The following CNTN6 variants were observed in gnomAD, a reference collection of about 807,000 sequenced individuals.
The protein encoded by CNTN6 is contactin-6.
Under a neutral mutation model 122.8 loss-of-function variants are expected in CNTN6, and 137 were observed. That is an observed-to-expected ratio of 1.12 (90% CI 0.97 to 1.29). The LOEUF is 1.29. Among genes scored for constraint, CNTN6 ranks in the 50% most tolerant of loss-of-function variants. The pLI is 0.00. For synonymous variants in CNTN6, 570 were observed against 426.0 expected (o/e 1.34, Z -4.16); for missense variants, 1,634 against 1,223.4 (o/e 1.34, Z -5.01).
chr3:1,216,349 T>G (rs1486207491), intron 2 of CNTN6, among the ~76,000 whole-genome samples: 1 of 152,198 alleles, frequency 6.6e-6, no homozygotes, highest in African/African-American at 2.4e-5. Context: ...AATCAAGAAC[T>G]CCTTCCCTTC....
At chr3:1,302,570 T>G (rs1293019442) in intron 7 of CNTN6, among the ~76,000 whole-genome samples, 1 of 152,070 alleles carries the variant, frequency 6.6e-6, no homozygotes, top group African/African-American at 2.4e-5. Flanking sequence ...CCAGCTCCAG[T>G]GCCAGATCTT....
chr3:1,320,304 C>G (rs1052939167), intron 7 of CNTN6, among the ~76,000 whole-genome samples: 26 of 151,636 alleles, frequency 1.7e-4, no homozygotes, highest in African/African-American at 6.3e-4. Flanking sequence ...TGTTTGAGTG[C>G]ATATGATTTT....
At chr3:1,357,388 G>C (rs894282659) in intron 12 of CNTN6, among the ~76,000 whole-genome samples, 1 of 151,530 alleles carries the variant, frequency 6.6e-6, no homozygotes. Flanking sequence ...TATTCATCTT[G>C]TTTTCTTTAT....
chr3:1,318,329 G>C (rs966368381), intron 7 of CNTN6, among the ~76,000 whole-genome samples: 3 of 143,512 alleles, frequency 2.1e-5, no homozygotes, highest in African/African-American at 5.2e-5. Context: ...TTTTTTTTTT[G>C]TCTTATATGC....
chr3:1,218,700 A>AC (rs951172751), intron 2 of CNTN6, among the ~76,000 whole-genome samples: 1 of 152,178 alleles, frequency 6.6e-6, no homozygotes. Flanking sequence ...ACTGTAAATC[A>AC]CCATAAATGA....
intron 12 of CNTN6, among the ~76,000 whole-genome samples, chr3:1,363,633 C>T (rs551287684): frequency 6.6e-6 from 1 of 151,962 alleles, no homozygotes. Context: ...ATTGTGTACA[C>T]ATGTCACAAT....
chr3:1,221,401 G>T (rs961544743), intron 3 of CNTN6, among the ~76,000 whole-genome samples: 11 of 152,184 alleles, frequency 7.2e-5, no homozygotes, highest in African/African-American at 2.7e-4. Flanking sequence ...TATAAGGAAT[G>T]AATCCAGATG....
intron 4 of CNTN6, among the ~76,000 whole-genome samples, chr3:1,254,438 G>A (rs895931450): frequency 1.7e-4 from 26 of 152,234 alleles, no homozygotes; most frequent in African/African-American, 5.3e-4. Context: ...TCGTTTCAAC[G>A]AAGGAATGAG....
intron 11 of CNTN6, among the ~76,000 whole-genome samples, chr3:1,352,114 A>G (rs1447122910): frequency 6.6e-6 from 1 of 151,942 alleles, no homozygotes; most frequent in African/African-American, 2.4e-5. Context: ...ATAATTATCA[A>G]TATCGTGTCA....
chr3:1,139,331 C>T (rs1005171835), intron 1 of CNTN6, among the ~76,000 whole-genome samples: 2 of 152,062 alleles, frequency 1.3e-5, no homozygotes, highest in African/African-American at 4.8e-5. Flanking sequence ...GCATAAATTC[C>T]TATCCCTGTA....
intron 6 of CNTN6, among the ~76,000 whole-genome samples, chr3:1,296,973 A>G (rs1421399171): frequency 1.3e-5 from 2 of 151,840 alleles, no homozygotes; most frequent in Admixed American, 6.6e-5. Context: ...AGTATTATAT[A>G]TAATATAAAA....
At chr3:1,242,809 T>C (rs970002328) in intron 4 of CNTN6, among the ~76,000 whole-genome samples, 1 of 151,864 alleles carries the variant, frequency 6.6e-6, no homozygotes, top group African/African-American at 2.4e-5. Flanking sequence ...TGGGGATAAC[T>C]AAAAAAGAGT....
intron 1 of CNTN6, among the ~76,000 whole-genome samples, chr3:1,113,777 G>A (rs1016601637): frequency 3.3e-5 from 5 of 152,076 alleles, no homozygotes; most frequent in Non-Finnish European, 7.4e-5. Flanking sequence ...TTAATCATAG[G>A]CTGCATCAAG....
Position 1,134,543 on chromosome 3 carries a change from A to C in CNTN6, c.-82-13384A>C, listed in dbSNP as rs184936109. On this transcript the variant is annotated intron_variant, in intron 1 of 22. Transcript: ENST00000446702. Reference sequence around the variant, plus strand: ...CTTGCCTAGACCTGGATACAAATTAAGATCACAGTTTTGTCCCAAGTCACC... The same window carrying C: ...CTTGCCTAGACCTGGATACAAATTACGATCACAGTTTTGTCCCAAGTCACC... 3.7e-4 allele frequency among the ~76,000 whole-genome samples: 57 copies of C among 152,278 alleles called. 1 individual carries two copies. In the East Asian group the frequency reaches 0.01, roughly 27 times the overall value.
chr3:1,119,624 C>T (rs1295332479), intron 1 of CNTN6, among the ~76,000 whole-genome samples: 2 of 151,630 alleles, frequency 1.3e-5, no homozygotes, highest in Non-Finnish European at 2.9e-5. Context: ...ACTTCAGTTA[C>T]TAGATAAGCA....
chr3:1,226,887 T>C (rs1276348906), intron 3 of CNTN6, among the ~76,000 whole-genome samples: 1 of 152,222 alleles, frequency 6.6e-6, no homozygotes, highest in Non-Finnish European at 1.5e-5. Context: ...GTTTTAAGTG[T>C]TTATTTTAAA....
intron 7 of CNTN6, among the ~76,000 whole-genome samples, chr3:1,308,177 G>A (rs778067883): frequency 9.9e-5 from 15 of 152,100 alleles, no homozygotes; most frequent in African/African-American, 2.7e-4. Context: ...TTGTAATTCT[G>A]TGCTACTTTG....
chr3:1,279,847 C>T (rs1157541573), intron 5 of CNTN6, among the ~76,000 whole-genome samples: 1 of 152,086 alleles, frequency 6.6e-6, no homozygotes, highest in African/African-American at 2.4e-5. Context: ...AAAGCTAATT[C>T]AAAGTTAACA....
At chr3:1,245,607 C>T (rs141622570) in intron 4 of CNTN6, among the ~76,000 whole-genome samples, 76 of 150,452 alleles carry the variant, frequency 5.1e-4, no homozygotes, top group African/African-American at 1.6e-3. Flanking sequence ...GTGACGGGTA[C>T]GCCAAAATCT....
Sources: gnomAD v4.1 joint callset for allele counts (sites outside exome capture counted in the v4.1 genomes callset) on GRCh38, gnomAD v4.1.1 for gene constraint, MANE v1.5 for transcripts, NCBI Gene and HGNC (gene_info 2026-07-23, HGNC 2026-07-21) for gene names.